HTR4: variants seen among roughly 807,000 people sequenced by gnomAD.
HTR4 encodes 5-hydroxytryptamine (serotonin) receptor 4, G protein-coupled.
Under a neutral mutation model 36.8 loss-of-function variants are expected in HTR4, and 16 were observed. The ratio of observed to expected loss-of-function variants is 0.43; its 90% confidence interval spans 0.29 to 0.66. The LOEUF is 0.66. Ranked by LOEUF, HTR4 falls within the 30% of genes least tolerant of loss-of-function variation. HTR4 has a pLI of 0.13. For synonymous variants in HTR4, 189 were observed against 185.1 expected (o/e 1.02, Z -0.17); for missense variants, 438 against 490.9 (o/e 0.89, Z 1.02).
At chr5:148,604,444 G>A (rs1752058796) in intron 2 of HTR4, among the ~76,000 whole-genome samples, 1 of 152,168 alleles carries the variant, frequency 6.6e-6, no homozygotes, top group Non-Finnish European at 1.5e-5. Flanking sequence ...GGAAAACTGA[G>A]AGTATCTTGC....
At chr5:148,554,557 C>T (rs1330808616) in intron 2 of HTR4, among the ~76,000 whole-genome samples, 1 of 152,058 alleles carries the variant, frequency 6.6e-6, no homozygotes, top group African/African-American at 2.4e-5. Flanking sequence ...GGACTGGGAG[C>T]ACAGGTGAAT....
At chr5:148,566,942 T>C (rs978376048) in intron 2 of HTR4, among the ~76,000 whole-genome samples, 6 of 152,076 alleles carry the variant, frequency 3.9e-5, no homozygotes, top group Non-Finnish European at 7.4e-5. Flanking sequence ...GTGTATTACA[T>C]TGCTAATCCA....
chr5:148,502,735 A>C (rs980029756), intron 6 of HTR4, among the ~76,000 whole-genome samples: 1 of 152,194 alleles, frequency 6.6e-6, no homozygotes, highest in Admixed American at 6.5e-5. Context: ...AAAGAAGCTA[A>C]AAACCTTGCA....
intron 5 of HTR4, among the ~76,000 whole-genome samples, chr5:148,457,484 G>GC (rs1755127977): frequency 6.7e-6 from 1 of 150,268 alleles, no homozygotes; most frequent in Non-Finnish European, 1.5e-5. Flanking sequence ...CGTAATAATA[G>GC]CCCCCTCTGC....
At chr5:148,630,458 T>C (rs1053885558) in intron 2 of HTR4, 1 of 152,142 alleles carries the variant, frequency 6.6e-6, no homozygotes, top group East Asian at 1.9e-4. Flanking sequence ...AGACCAGTGG[T>C]TTCATTCCAA....
At chr5:148,627,205 T>G (rs931831638) in intron 2 of HTR4, among the ~76,000 whole-genome samples, 1 of 152,204 alleles carries the variant, frequency 6.6e-6, no homozygotes. Context: ...TCAGTCATGC[T>G]TCCTACATGC....
Position 148,550,116 on chromosome 5 carries a change from AG to A in HTR4, c.152+20del. 1.2e-6 allele frequency: 2 copies of A among 1,613,546 alleles called. No homozygotes were observed. Among genetic ancestry groups the A allele is most frequent in the Non-Finnish European group, 1.7e-6 (2 of 1,179,840 alleles). ...CTCAGAACTCCCATGTTTCCTCAAAAGGTTCCCTCCTGCTGCTCACCTGAGC... is the reference window on the plus strand; with the variant it reads ...CTCAGAACTCCCATGTTTCCTCAAAAGTTCCCTCCTGCTGCTCACCTGAGC... On this transcript the variant is annotated intron_variant, in intron 3 of 6. Transcript: ENST00000377888.
At chr5:148,540,401 T>TGTATAC (rs1561606405) in intron 4 of HTR4, among the ~76,000 whole-genome samples, 1 of 1,778 alleles carries the variant, frequency 5.6e-4, no homozygotes, top group Non-Finnish European at 2.7e-3. Context: ...TATGTGTGTG[T>TGTATAC]ATATATATAT....
intron 2 of HTR4, among the ~76,000 whole-genome samples, chr5:148,623,728 A>G (rs887125173): frequency 2.6e-5 from 4 of 152,268 alleles, no homozygotes; most frequent in South Asian, 2.1e-4. Flanking sequence ...AGGGACTTCA[A>G]CCCTCTTTTG....
intron 4 of HTR4, among the ~76,000 whole-genome samples, chr5:148,530,906 G>C (rs1479209216): frequency 6.6e-6 from 1 of 152,224 alleles, no homozygotes; most frequent in Non-Finnish European, 1.5e-5. Flanking sequence ...GATCATTTTG[G>C]AGCTTTAAGA....
At position 148,482,625 on chromosome 5, in the gene HTR4, A is replaced by G; in HGVS notation, c.*578T>C. On this transcript the variant is annotated 3_prime_UTR_variant, in exon 7 of 7. Coordinates refer to ENST00000377888, the MANE Select transcript of HTR4 (RefSeq NM_000870.7). ...ACAAGGGGGCCAACCAAGAGGATGC[A>G]CGTTTGGACCCAGACACAGGGAGAA... The G allele has an allele frequency of 1.0e-6, 1 of 987,898 alleles. No homozygotes were observed. Among genetic ancestry groups the G allele is most frequent in the Non-Finnish European group, 1.2e-6 (1 of 831,430 alleles). 61.2% of individuals were successfully genotyped at this position (987,898 alleles called of 1,614,324 possible).
At chr5:148,557,791 T>A (rs937090377) in intron 2 of HTR4, among the ~76,000 whole-genome samples, 6 of 148,162 alleles carry the variant, frequency 4.0e-5, no homozygotes, top group Admixed American at 1.4e-4. Context: ...ATATATATAT[T>A]AGGAATATAT....
At chr5:148,600,443 C>T (rs1761946619) in intron 2 of HTR4, among the ~76,000 whole-genome samples, 1 of 150,000 alleles carries the variant, frequency 6.7e-6, no homozygotes, top group Non-Finnish European at 1.5e-5. Flanking sequence ...ATAGGGATGA[C>T]ATATTCCTAT....
chr5:148,542,488 C>T (rs966083041), intron 4 of HTR4, among the ~76,000 whole-genome samples: 3 of 152,064 alleles, frequency 2.0e-5, no homozygotes, highest in African/African-American at 7.2e-5. Flanking sequence ...AAAAGAGGAT[C>T]GGAGACTAAG....
intron 4 of HTR4, among the ~76,000 whole-genome samples, chr5:148,525,845 A>G (rs1428542566): frequency 6.6e-6 from 1 of 152,228 alleles, no homozygotes; most frequent in Non-Finnish European, 1.5e-5. Flanking sequence ...ATAGGATTTT[A>G]AAAGAGGCAA....
chr5:148,490,749 T>C, intron 6 of HTR4: 1 of 1,265,524 alleles, frequency 7.9e-7, no homozygotes, highest in Non-Finnish European at 1.0e-6. Context: ...TTCCATTTTG[T>C]GCTGAAATAC....
chr5:148,557,050 G>T (rs1440663750), intron 2 of HTR4, among the ~76,000 whole-genome samples: 1 of 152,212 alleles, frequency 6.6e-6, no homozygotes, highest in African/African-American at 2.4e-5. Flanking sequence ...GAGCATCTGA[G>T]ATGAGCTCAG....
chr5:148,471,162 A>T (rs1468780654), intron 5 of HTR4, among the ~76,000 whole-genome samples: 3 of 152,190 alleles, frequency 2.0e-5, no homozygotes, highest in Non-Finnish European at 4.4e-5. Flanking sequence ...GTTAAAATGT[A>T]GGATATTATT....
chr5:148,510,130 A>G, intron 5 of HTR4, 106 bp from the exon 6 acceptor site: 2 of 691,702 alleles, frequency 2.9e-6, no homozygotes, highest in Non-Finnish European at 2.4e-6. Flanking sequence ...AGAAAAAGGG[A>G]AAAGGAAGAA....
Sources: gnomAD v4.1 joint callset for allele counts (sites outside exome capture counted in the v4.1 genomes callset) on GRCh38, gnomAD v4.1.1 for gene constraint, MANE v1.5 for transcripts, NCBI Gene and HGNC (gene_info 2026-07-23, HGNC 2026-07-21) for gene names.